Variants in NEK11 observed in about 807,000 individuals in gnomAD.
NEK11 encodes the protein serine/threonine-protein kinase Nek11.
Under a neutral mutation model 80.7 loss-of-function variants are expected in NEK11, and 72 were observed. The ratio of observed to expected loss-of-function variants is 0.89; its 90% CI spans 0.74 to 1.08. The LOEUF (loss-of-function observed/expected upper bound fraction) is 1.08, where lower values mean the gene tolerates loss of function less well. Among genes scored for constraint, NEK11 ranks in the 50% least tolerant of loss-of-function variants. The probability of loss-of-function intolerance (pLI) is 0.00; values close to 1 mark genes in which losing one functional copy is unlikely to be tolerated. For synonymous variants in NEK11, 251 were observed against 260.7 expected (o/e 0.96, Z 0.36); for missense variants, 764 against 763.6 (o/e 1.00, Z -0.01).
intron 17 of NEK11, among the ~76,000 whole-genome samples, chr3:131,295,388 C>T (rs542493133): frequency 3.6e-4 from 54 of 151,872 alleles, no homozygotes; most frequent in African/African-American, 1.2e-3. Context: ...TTCTTTTGAA[C>T]TTCATGGTGG....
At chr3:131,280,465 C>T (rs1310056498) in intron 17 of NEK11, among the ~76,000 whole-genome samples, 1 of 151,874 alleles carries the variant, frequency 6.6e-6, no homozygotes, top group Non-Finnish European at 1.5e-5. Context: ...TCTGCAATGT[C>T]TAATCTACTG....
intron 3 of NEK11, among the ~76,000 whole-genome samples, chr3:131,049,125 G>A (rs968166941): frequency 1.3e-5 from 2 of 152,090 alleles, no homozygotes; most frequent in African/African-American, 4.8e-5. Flanking sequence ...TAAAAGTTTC[G>A]TTAGTTTAGT....
At chr3:131,081,871 G>A (rs1577988703) in intron 4 of NEK11, among the ~76,000 whole-genome samples, 1 of 152,184 alleles carries the variant, frequency 6.6e-6, no homozygotes, top group African/African-American at 2.4e-5. Context: ...AAGCTCAGAA[G>A]GAAAAGGGAT....
At chr3:131,255,213 T>A (rs2095795396) in intron 16 of NEK11, among the ~76,000 whole-genome samples, 1 of 152,162 alleles carries the variant, frequency 6.6e-6, no homozygotes, top group Admixed American at 6.5e-5. Context: ...TACTAAGATA[T>A]GGAGACAGAA....
intron 12 of NEK11, among the ~76,000 whole-genome samples, chr3:131,167,483 T>C (rs2092335741): frequency 6.6e-6 from 1 of 152,238 alleles, no homozygotes; most frequent in Non-Finnish European, 1.5e-5. Context: ...GCTTTTCTTC[T>C]TTGACCCTTC....
intron 3 of NEK11, among the ~76,000 whole-genome samples, chr3:131,044,734 A>T (rs546232842): frequency 6.6e-6 from 1 of 152,222 alleles, no homozygotes; most frequent in East Asian, 1.9e-4. Flanking sequence ...ATTAACAGGG[A>T]TATTCAGGAC....
intron 17 of NEK11, among the ~76,000 whole-genome samples, chr3:131,295,149 C>T (rs527874339): frequency 6.6e-6 from 1 of 151,894 alleles, no homozygotes; most frequent in Non-Finnish European, 1.5e-5. Flanking sequence ...TGTCTCTGTT[C>T]TTTGTTCCAT....
chr3:131,312,057 G>A (rs911088193), intron 17 of NEK11, among the ~76,000 whole-genome samples: 5 of 152,166 alleles, frequency 3.3e-5, no homozygotes, highest in African/African-American at 1.2e-4. Context: ...AGAAGACATG[G>A]GTTTTGTCCA....
intron 12 of NEK11, among the ~76,000 whole-genome samples, chr3:131,167,742 G>A (rs1306219598): frequency 6.6e-6 from 1 of 152,118 alleles, no homozygotes; most frequent in Admixed American, 6.5e-5. Context: ...AAGAAAGAGA[G>A]GATTTCACAA....
At position 131,148,581 on chromosome 3, in the gene NEK11, T is replaced by C. The variant is rs540118570; in HGVS notation, c.648-3807T>C. On this transcript the variant is annotated intron_variant, in intron 7 of 17. Transcript: ENST00000383366. Reference sequence around the variant, plus strand: ...TGTTGTTGTGCTGAAAATACATTGGTAGGCAAAAACAAAGCCAAACAAATA... The same window carrying C: ...TGTTGTTGTGCTGAAAATACATTGGCAGGCAAAAACAAAGCCAAACAAATA... Among the ~76,000 whole-genome samples the C allele has an allele frequency of 2.6e-5, 4 of 152,044 alleles. No individual in the cohort carries two copies. The East Asian group carries it at 5.8e-4, about 22-fold the overall frequency.
intron 5 of NEK11, among the ~76,000 whole-genome samples, chr3:131,119,782 A>G (rs1421686099): frequency 1.4e-5 from 2 of 147,954 alleles, no homozygotes; most frequent in African/African-American, 5.3e-5. Flanking sequence ...ATCAGAGACT[A>G]GGATTGCAAC....
intron 5 of NEK11, among the ~76,000 whole-genome samples, chr3:131,120,287 A>G (rs2082140094): frequency 6.6e-6 from 1 of 152,266 alleles, no homozygotes; most frequent in African/African-American, 2.4e-5. Context: ...TCTTTTCTTT[A>G]AGAATGTTGA....
intron 13 of NEK11, among the ~76,000 whole-genome samples, chr3:131,169,156 G>A (rs1291093025): frequency 3.3e-5 from 5 of 152,138 alleles, no homozygotes; most frequent in African/African-American, 1.2e-4. Flanking sequence ...ATGTGATAAG[G>A]AGAAGAGGAA....
intron 14 of NEK11, among the ~76,000 whole-genome samples, chr3:131,201,100 C>T (rs1056151205): frequency 4.6e-5 from 7 of 151,482 alleles, no homozygotes; most frequent in Non-Finnish European, 7.4e-5. Flanking sequence ...CTAAAAGAAG[C>T]AAGATATGAA....
rs147104404 is a variant in NEK11 at position 131,167,440 on chromosome 3, A to T, written c.1177-1390A>T. On this transcript the variant is annotated intron_variant, in intron 12 of 17. Coordinates refer to ENST00000383366, the MANE Select transcript of NEK11 (RefSeq NM_024800.5). ...AATGTAGTTTCAAGTATGAGCTTAA[A>T]TATTAGTGTCTGATAATTTACTTAC... 2.3e-3 allele frequency among the ~76,000 whole-genome samples: 356 copies of T among 152,334 alleles called. 1 individual carries two copies. The highest frequency in any genetic ancestry group is 8.1e-3 in the African/African-American group (335 of 41,580).
chr3:131,312,600 C>T (rs768963163), intron 17 of NEK11, among the ~76,000 whole-genome samples: 1 of 152,106 alleles, frequency 6.6e-6, no homozygotes, highest in Non-Finnish European at 1.5e-5. Flanking sequence ...CTTTAGAAGA[C>T]ACTTAATATT....
chr3:131,200,909 A>C (rs2094202248), intron 14 of NEK11, among the ~76,000 whole-genome samples: 1 of 152,196 alleles, frequency 6.6e-6, no homozygotes, highest in Non-Finnish European at 1.5e-5. Context: ...TTTCGGTAAC[A>C]TGTGCACCAG....
intron 15 of NEK11, among the ~76,000 whole-genome samples, chr3:131,230,299 G>A (rs2095305556): frequency 6.6e-6 from 1 of 152,082 alleles, no homozygotes; most frequent in South Asian, 2.1e-4. Flanking sequence ...AGAATATAGG[G>A]TTGGAAAACA....
chr3:131,122,623 C>T (rs1003738284), intron 5 of NEK11, among the ~76,000 whole-genome samples: 1 of 152,184 alleles, frequency 6.6e-6, no homozygotes, highest in Non-Finnish European at 1.5e-5. Flanking sequence ...AGTTTGTGAT[C>T]CACCCTGAGA....
Sources: gnomAD v4.1 joint callset for allele counts (sites outside exome capture counted in the v4.1 genomes callset) on GRCh38, gnomAD v4.1.1 for gene constraint, MANE v1.5 for transcripts, NCBI Gene and HGNC (gene_info 2026-07-23, HGNC 2026-07-21) for gene names.